The following PTPRD variants were observed in gnomAD, a reference collection of about 807,000 sequenced individuals.
The protein encoded by PTPRD is protein tyrosine phosphatase receptor type D, also known as receptor-type tyrosine-protein phosphatase delta.
Under a neutral mutation model 214.5 loss-of-function variants are expected in PTPRD, and 34 were observed. That is an observed-to-expected ratio of 0.16 (90% CI 0.12 to 0.21). PTPRD has a LOEUF of 0.21. Ranked by LOEUF, PTPRD falls within the 10% of genes least tolerant of loss-of-function variation. The pLI is 1.00. For synonymous variants in PTPRD, 1,128 were observed against 845.7 expected, an observed-to-expected ratio of 1.33 and a Z score of -5.79; for missense variants, 2,545 against 2,398.7, an observed-to-expected ratio of 1.06 and a Z score of -1.27.
At chr9:10,228,531 G>C (rs575040452) in intron 3 of PTPRD, among the ~76,000 whole-genome samples, 233 of 151,814 alleles carry the variant, frequency 1.5e-3, no homozygotes, top group Non-Finnish European at 2.7e-3. Context: ...ATGACTTTTC[G>C]AATATAAGAA....
At chr9:8,330,542 C>CAAAGGATGTTTA in intron 44 of PTPRD, among the ~76,000 whole-genome samples, 2 of 143,650 alleles carry the variant, frequency 1.4e-5, no homozygotes, top group East Asian at 4.1e-4. Context: ...GGTTGGTTTG[C>CAAAGGATGTTTA]AAAGGATGTT....
chr9:9,943,020 C>G (rs2091888477), intron 4 of PTPRD, among the ~76,000 whole-genome samples: 1 of 151,996 alleles, frequency 6.6e-6, no homozygotes, highest in African/African-American at 2.4e-5. Flanking sequence ...ATCTTCCCTG[C>G]ACTAACTCGG....
intron 2 of PTPRD, among the ~76,000 whole-genome samples, chr9:10,424,249 T>A (rs1041231001): frequency 1.3e-5 from 2 of 151,720 alleles, no homozygotes; most frequent in African/African-American, 4.8e-5. Flanking sequence ...TAATAAGCAT[T>A]GGCCAAAAAA....
At chr9:10,234,814 C>T (rs148195227) in intron 3 of PTPRD, among the ~76,000 whole-genome samples, 229 of 152,010 alleles carry the variant, frequency 1.5e-3, no homozygotes, top group African/African-American at 5.2e-3. Context: ...ATATATTTTA[C>T]TTACCACAAC....
intron 8 of PTPRD, among the ~76,000 whole-genome samples, chr9:9,481,622 A>G (rs1440677515): frequency 6.6e-6 from 1 of 152,160 alleles, no homozygotes; most frequent in Admixed American, 6.6e-5. Context: ...TTTTAAAACA[A>G]CGCAATTGTA....
Position 8,565,159 on chromosome 9 carries a change from G to A in PTPRD, c.353-36380C>T, listed in dbSNP as rs552505514. Among the ~76,000 whole-genome samples the A allele has an allele frequency of 2.5e-3, 382 of 151,994 alleles. 3 individuals carry two copies. The highest frequency in any genetic ancestry group is 9.0e-3 in the African/African-American group (372 of 41,466). On this transcript the variant is annotated intron_variant, in intron 14 of 45. Coordinates refer to ENST00000381196, the MANE Select transcript of PTPRD (RefSeq NM_002839.4). ...GTTTCAAGCTAACCGCAGTGGTTTT[G>A]AGTATAAGAAATCATGGTCACAGGA...
chr9:9,460,400 G>A (rs1339326963), intron 8 of PTPRD, among the ~76,000 whole-genome samples: 2 of 151,920 alleles, frequency 1.3e-5, no homozygotes, highest in Non-Finnish European at 2.9e-5. Context: ...TGGGCAGCCT[G>A]CAGAATGAGA....
intron 3 of PTPRD, among the ~76,000 whole-genome samples, chr9:10,307,089 A>G (rs1182862552): frequency 7.2e-5 from 11 of 152,130 alleles, no homozygotes; most frequent in African/African-American, 2.7e-4. Context: ...CCAGTTCTTT[A>G]TTCTATCTAA....
intron 11 of PTPRD, among the ~76,000 whole-genome samples, chr9:8,786,440 C>A (rs574040385): frequency 1.3e-4 from 16 of 126,322 alleles, no homozygotes; most frequent in African/African-American, 3.9e-4. Context: ...GACAGAGTCT[C>A]GCTCTGTCGC....
At chr9:8,583,206 G>T (rs1036649536) in intron 14 of PTPRD, among the ~76,000 whole-genome samples, 2 of 152,174 alleles carry the variant, frequency 1.3e-5, no homozygotes, top group African/African-American at 4.8e-5. Flanking sequence ...GATCTGACAG[G>T]AGGCAGAGCT....
chr9:9,616,811 C>T (rs943788050), intron 7 of PTPRD, among the ~76,000 whole-genome samples: 1 of 152,130 alleles, frequency 6.6e-6, no homozygotes, highest in East Asian at 1.9e-4. Flanking sequence ...GGAGTAGCCA[C>T]TATAATTTTT....
intron 3 of PTPRD, among the ~76,000 whole-genome samples, chr9:10,126,422 TATATAC>T (rs1563979665): frequency 2.1e-5 from 1 of 47,128 alleles, no homozygotes; most frequent in African/African-American, 5.3e-5. Flanking sequence ...TACTGTTTTA[TATATAC>T]ACACACACAC....
At chr9:10,457,378 C>T (rs2098926291) in intron 2 of PTPRD, among the ~76,000 whole-genome samples, 1 of 151,814 alleles carries the variant, frequency 6.6e-6, no homozygotes, top group Admixed American at 6.6e-5. Flanking sequence ...TTGTTTTTTC[C>T]TGCTCATGAC....
chr9:8,621,702 G>C (rs929319627), intron 14 of PTPRD, among the ~76,000 whole-genome samples: 4 of 151,686 alleles, frequency 2.6e-5, no homozygotes, highest in African/African-American at 9.7e-5. Flanking sequence ...AGATTAATGG[G>C]ACCCATAGTA....
chr9:8,576,631 C>CAAAAAAAAAA (rs71317371), intron 14 of PTPRD, among the ~76,000 whole-genome samples: 1 of 116,032 alleles, frequency 8.6e-6, no homozygotes, highest in African/African-American at 3.1e-5. Context: ...GCTAATGCAG[C>CAAAAAAAAAA]AAAAAAAAAA....
At chr9:9,154,335 T>C (rs1273230942) in intron 10 of PTPRD, among the ~76,000 whole-genome samples, 2 of 152,188 alleles carry the variant, frequency 1.3e-5, no homozygotes, top group Non-Finnish European at 2.9e-5. Flanking sequence ...CACAAGCATT[T>C]GTTTTCTCAC....
At chr9:9,844,088 A>C (rs1400226285) in intron 5 of PTPRD, among the ~76,000 whole-genome samples, 1 of 152,032 alleles carries the variant, frequency 6.6e-6, no homozygotes, top group African/African-American at 2.4e-5. Context: ...GGATTTTGTT[A>C]ATAAAATCCT....
rs146222919 is a variant in PTPRD, at chr9:9,424,399, C to T, written c.-236-26917G>A. On this transcript the variant is annotated intron_variant, in intron 8 of 45. Coordinates refer to ENST00000381196, the MANE Select transcript of PTPRD (RefSeq NM_002839.4). Reference sequence around the variant, plus strand: ...TGTCAACCTACCAGCTGGCTGGCAACGGTCACTGGTTGAAGGTGAAGTGCT... The same window carrying T: ...TGTCAACCTACCAGCTGGCTGGCAATGGTCACTGGTTGAAGGTGAAGTGCT... Among the ~76,000 whole-genome samples the T allele has an allele frequency of 5.8e-4, 89 of 152,260 alleles. 1 individual carries two copies. Among genetic ancestry groups the T allele is most frequent in the Admixed American group, 2.4e-3 (36 of 15,298 alleles).
At chr9:9,168,411 ATTTAT>A (rs1284498597) in intron 10 of PTPRD, among the ~76,000 whole-genome samples, 1 of 152,086 alleles carries the variant, frequency 6.6e-6, no homozygotes, top group Admixed American at 6.6e-5. Flanking sequence ...GCAATTTTAA[ATTTAT>A]TTTATTTTAG....
Sources: gnomAD v4.1 joint callset for allele counts (sites outside exome capture counted in the v4.1 genomes callset) on GRCh38, gnomAD v4.1.1 for gene constraint, MANE v1.5 for transcripts, NCBI Gene and HGNC (gene_info 2026-07-23, HGNC 2026-07-21) for gene names.